The following MOV10 variants were observed in gnomAD, a reference collection of about 807,000 sequenced individuals.
MOV10 encodes RNA helicase MOV-10.
MOV10 carries 39 observed loss-of-function variants against 108.4 expected under a neutral mutation model. That is an observed-to-expected ratio of 0.36 (90% CI 0.28 to 0.47). The LOEUF is 0.47. MOV10 is among the 20% of genes least tolerant of loss of function. MOV10 has a pLI of 1.00. For missense variants in MOV10, 952 were observed against 1,297.6 expected, an observed-to-expected ratio of 0.73 and a Z score of 4.09; for synonymous variants, 490 against 523.1, an observed-to-expected ratio of 0.94 and a Z score of 0.86.
intron 2 of MOV10, among the ~76,000 whole-genome samples, chr1:112,687,896 G>A (rs974721580): frequency 3.3e-5 from 5 of 152,010 alleles, no homozygotes; most frequent in Non-Finnish European, 7.4e-5. Flanking sequence ...CAAGTGGGCC[G>A]CCCCCCTCTG....
At position 112,675,401 on chromosome 1, in the gene MOV10, G is replaced by A. The variant is rs1219270168; in HGVS notation, c.137+352G>A. ...ACAGCGCTCGCGGTGGGGGAGGGGA[G>A]CCTCCAGAGGGGGCCCAGGCATCGC... On this transcript the variant is annotated intron_variant, in intron 2 of 20. Coordinates refer to ENST00000369645, the MANE Select transcript of MOV10 (RefSeq NM_001321324.2). This position sits in a 1 kb window ranked among gnomAD's most constrained non-coding sequence, Gnocchi z 4.7. Among the ~76,000 whole-genome samples, 3 of 152,178 alleles carry A rather than the reference G, an allele frequency of 2.0e-5. No individual in the cohort carries two copies. Among genetic ancestry groups the A allele is most frequent in the Non-Finnish European group, 4.4e-5 (3 of 68,012 alleles).
Position 112,694,032 on chromosome 1 carries a change from T to G in MOV10, c.1155T>G (p.Thr385=). The part of the protein sequence containing the change: ...RLLTLEVPGV[T]ESRPSVLRGD... The stretch of plus-strand genomic sequence containing the variant: ...ACACCCCATAGGTTCCTGGAGTGAC[T>G]GAGAGCCGCCCCTCAGTGCTACGGG... Residue 385 remains threonine (T), a synonymous_variant, in exon 8 of 21, where the codon ACT becomes ACG. Coordinates refer to ENST00000369645, the MANE Select transcript of MOV10 (RefSeq NM_001321324.2). The surrounding 1 kb of genome is among the most constrained non-coding windows in gnomAD (Gnocchi z 4.1). 1.2e-6 allele frequency: 2 copies of G among 1,614,064 alleles called. No individual in the cohort carries two copies. The highest frequency in any genetic ancestry group is 1.3e-5 in the African/African-American group (1 of 75,026).
chr1:112,689,146 T>C lies in MOV10; in HGVS notation c.341+8T>C. On this transcript the variant is annotated splice_region_variant and intron_variant, in intron 3 of 20. Transcript: ENST00000369645. The stretch of plus-strand genomic sequence containing the variant: ...CAAGATCTTTTATGACAGGTGTGTG[T>C]GTGTTGTATGTTGTGTGTACGGGGA... 6.3e-7 allele frequency: 1 copy of C among 1,584,598 alleles called. No homozygotes were observed.
chr1:112,695,122 A>G (rs983864173), intron 10 of MOV10, among the ~76,000 whole-genome samples: 1 of 152,064 alleles, frequency 6.6e-6, no homozygotes, highest in African/African-American at 2.4e-5. Context: ...GCAAGACCCT[A>G]TCTCTATGAA....
In MOV10 at chr1:112,675,074, C is replaced by G; in HGVS notation, c.137+25C>G. On this transcript the variant is annotated intron_variant, in intron 2 of 20. Coordinates refer to ENST00000369645, the MANE Select transcript of MOV10 (RefSeq NM_001321324.2). This position sits in a 1 kb window ranked among gnomAD's most constrained non-coding sequence, Gnocchi z 4.7. ...GGTACGGGCCGGCCCACTCCCGGCC[C>G]CGAATCGCGGGCCCAGCTTGCTGCC... is the stretch of plus-strand genomic sequence containing the variant. The G allele has an allele frequency of 1.3e-6, 2 of 1,574,722 alleles. No homozygotes were observed. The highest frequency in any genetic ancestry group is 1.7e-6 in the Non-Finnish European group (2 of 1,164,050).
rs185350434 is a variant in MOV10, at chr1:112,687,564, T to C, written c.138-1371T>C. On this transcript the variant is annotated intron_variant, in intron 2 of 20. Transcript: ENST00000369645. ...AGAGCGGGGAAAACGACTGCAGACA[T>C]GCAGAGTCAAGTCCAGGCTTGGCCT... is the stretch of plus-strand genomic sequence containing the variant. 2.6e-5 allele frequency among the ~76,000 whole-genome samples: 4 copies of C among 152,324 alleles called. No homozygotes were observed. The East Asian group carries it at 7.7e-4, about 29-fold the overall frequency.
intron 2 of MOV10, among the ~76,000 whole-genome samples, chr1:112,679,146 C>G (rs1446581189): frequency 6.6e-6 from 1 of 152,070 alleles, no homozygotes; most frequent in African/African-American, 2.4e-5. Flanking sequence ...TAGCTTTTGG[C>G]CTTTCCTGAA....
At chr1:112,696,335 C>T in intron 12 of MOV10, 84 bp downstream of exon 12, 1 of 1,431,214 alleles carries the variant, frequency 7.0e-7, no homozygotes, top group East Asian at 2.3e-5. Context: ...AGAATGGTTT[C>T]CGGAGTGGGG....
chr1:112,691,076 T>C (rs61818805), intron 5 of MOV10, among the ~76,000 whole-genome samples: 35,195 of 151,730 alleles, frequency 0.23, 4,717 homozygotes, highest in East Asian at 0.57. Flanking sequence ...GTCAAGAGTT[T>C]GAGATCAGCC....
Position 112,696,437 on chromosome 1 carries a change from G to A in MOV10, c.1884G>A (p.Arg628=). Residue 628 remains arginine (R), a splice_region_variant and synonymous_variant, in exon 13 of 21, where the codon AGG becomes AGA. Transcript: ENST00000369645. ...CCCTGCCTGGCCTGACACCTCCCAGGTTGGTCTCGGCCCAGTTTCCCATTG... is the reference window on the plus strand; with the variant it reads ...CCCTGCCTGGCCTGACACCTCCCAGATTGGTCTCGGCCCAGTTTCCCATTG... The part of the protein sequence containing the change: ...VLITTLITAG[R]LVSAQFPIDH... The A allele has an allele frequency of 6.2e-7, 1 of 1,612,772 alleles. No individual in the cohort carries two copies. Among genetic ancestry groups the A allele is most frequent in the Non-Finnish European group, 8.5e-7 (1 of 1,178,784 alleles).
In MOV10 at chr1:112,698,404, G is replaced by A. The variant is rs1207608178; in HGVS notation, c.2434G>A (p.Ala812Thr). 1.2e-6 allele frequency: 2 copies of A among 1,614,044 alleles called. No homozygotes were observed. The highest frequency in any genetic ancestry group is 1.6e-4 in the Middle Eastern group (1 of 6,084). The change falls in exon 16 of 21, where the codon GCC becomes ACC. Residue 812 changes from alanine to threonine, a missense_variant. This residue lies in a region of MOV10 where 453 missense variants were observed against 611.5 expected (regional missense o/e 0.74). Coordinates refer to ENST00000369645, the MANE Select transcript of MOV10 (RefSeq NM_001321324.2). ...TVTSYLKLLL[A>T]PSSKKGKARL... is the part of the protein sequence containing the mutation. The stretch of plus-strand genomic sequence containing the variant: ...GACTTCCTACCTGAAGCTGCTCCTG[G>A]CCCCCTCCTCCAAGAAGGGCAAAGC...
chr1:112,700,363 A>G (rs1570821277), intron 20 of MOV10, 23 bp downstream of exon 20: 1 of 1,614,024 alleles, frequency 6.2e-7, no homozygotes, highest in Non-Finnish European at 8.5e-7. Flanking sequence ...CAGGGTGGGG[A>G]CAGTGCCAGA....
Position 112,698,048 on chromosome 1 carries a change from G to A in MOV10, c.2253G>A (p.Leu751=). 6 of 1,614,186 alleles carry A rather than the reference G, an allele frequency of 3.7e-6. No individual in the cohort carries two copies. The highest frequency in any genetic ancestry group is 5.1e-6 in the Non-Finnish European group (6 of 1,180,034). ...ACCAGCTCTATTATGAAGGGGAGCT[G>A]CAGGCCTGTGCTGATGTCGTGGATC... ...IPNQLYYEGE[L]QACADVVDRE... The change falls in exon 15 of 21, where the codon CTG becomes CTA. Residue 751 remains leucine (L), a synonymous_variant. Transcript: ENST00000369645.
intron 2 of MOV10, among the ~76,000 whole-genome samples, chr1:112,677,634 C>G (rs1345048956): frequency 3.3e-5 from 5 of 151,942 alleles, no homozygotes; most frequent in Non-Finnish European, 7.4e-5. Context: ...AATGCTAGAT[C>G]CTCTACCTTT....
chr1:112,692,551 G>T (rs1254935609), intron 6 of MOV10, among the ~76,000 whole-genome samples: 1 of 152,190 alleles, frequency 6.6e-6, no homozygotes, highest in Non-Finnish European at 1.5e-5. Flanking sequence ...CGGGTGAGGT[G>T]GGGGCAGGGG....
At chr1:112,681,024 T>C (rs930644921) in intron 2 of MOV10, among the ~76,000 whole-genome samples, 4 of 151,984 alleles carry the variant, frequency 2.6e-5, no homozygotes, top group Non-Finnish European at 2.9e-5. Context: ...TTTGCAGGCA[T>C]GCTTATATCA....
Position 112,700,199 on chromosome 1 carries a change from C to T in MOV10, c.2799-20C>T, listed in dbSNP as rs1156779033. Reference sequence around the variant, plus strand: ...TGGCTTAGCCTCCAGTCTCTGCTGGCACTCCTCTGTACCCCACAGATTCCT... The same window carrying T: ...TGGCTTAGCCTCCAGTCTCTGCTGGTACTCCTCTGTACCCCACAGATTCCT... On this transcript the variant is annotated intron_variant, in intron 19 of 20. Coordinates refer to ENST00000369645, the MANE Select transcript of MOV10 (RefSeq NM_001321324.2). 2 of 1,613,724 alleles carry T rather than the reference C, an allele frequency of 1.2e-6. No homozygotes were observed. The highest frequency in any genetic ancestry group is 1.7e-6 in the Non-Finnish European group (2 of 1,179,858).
chr1:112,695,175 G>T (rs1673956055), intron 10 of MOV10, among the ~76,000 whole-genome samples: 1 of 152,078 alleles, frequency 6.6e-6, no homozygotes, highest in Admixed American at 6.6e-5. Context: ...CAGTGCGATT[G>T]TGCCACTGCA....
chr1:112,682,666 T>G (rs1672754431), intron 2 of MOV10, among the ~76,000 whole-genome samples: 1 of 152,232 alleles, frequency 6.6e-6, no homozygotes, highest in Non-Finnish European at 1.5e-5. Flanking sequence ...AAGCAACCAC[T>G]GCTCTGATTT....
Sources: gnomAD v4.1 joint callset for allele counts (sites outside exome capture counted in the v4.1 genomes callset) on GRCh38, gnomAD v4.1.1 for gene constraint, gnomAD v4.1.1 regional missense constraint, Gnocchi (gnomAD v3.1) non-coding constraint, MANE v1.5 for transcripts, NCBI Gene and HGNC (gene_info 2026-07-23, HGNC 2026-07-21) for gene names.